GPR149: variants seen among roughly 807,000 people sequenced by gnomAD.
GPR149 encodes G protein-coupled receptor 149.
GPR149 carries 50 observed loss-of-function variants against 50.2 expected under a neutral mutation model. The observed-to-expected ratio is 1.00, with a 90% CI of 0.79 to 1.26. The LOEUF (loss-of-function observed/expected upper bound fraction) is 1.26. Among genes scored for constraint, GPR149 ranks in the 50% most tolerant of loss-of-function variants. GPR149 has a pLI of 0.00. For synonymous variants in GPR149, 405 were observed against 358.2 expected (o/e 1.13, Z -1.48); for missense variants, 983 against 895.4 (o/e 1.10, Z -1.25).
At chr3:154,417,162 T>C (rs1229619967) in intron 3 of GPR149, among the ~76,000 whole-genome samples, 1 of 151,972 alleles carries the variant, frequency 6.6e-6, no homozygotes, top group Non-Finnish European at 1.5e-5. Context: ...GCTATCACAT[T>C]AAGACTTTCT....
At chr3:154,386,209 A>C (rs1715042263) in intron 3 of GPR149, among the ~76,000 whole-genome samples, 1 of 152,242 alleles carries the variant, frequency 6.6e-6, no homozygotes, top group African/African-American at 2.4e-5. Flanking sequence ...AGAGTCAAAA[A>C]GAGGTCTAAC....
intron 3 of GPR149, among the ~76,000 whole-genome samples, chr3:154,371,642 A>T (rs1576910590): frequency 6.6e-6 from 1 of 152,320 alleles, no homozygotes. Context: ...AGACTTATTA[A>T]CAGCTAAAAA....
At chr3:154,338,467 T>C (rs1382853326) in intron 3 of GPR149, among the ~76,000 whole-genome samples, 196 bp from the exon 4 acceptor site, 2 of 152,114 alleles carry the variant, frequency 1.3e-5, no homozygotes, top group East Asian at 3.9e-4. Context: ...AAATCAGACA[T>C]TTAATGAGGG....
At position 154,348,081 on chromosome 3, in the gene GPR149, C is replaced by T. The variant is rs116643407; in HGVS notation, c.1624-9810G>A. ...GTGTGAAATGATTAGGGGAGTGCCT[C>T]ATACATAGTAAGTGCTCCATAAATG... On this transcript the variant is annotated intron_variant, in intron 3 of 3. Transcript: ENST00000389740. Among the ~76,000 whole-genome samples, 460 of 152,218 alleles carry T rather than the reference C, an allele frequency of 3.0e-3. 1 individual carries two copies. Among genetic ancestry groups the T allele is most frequent in the African/African-American group, 0.01 (426 of 41,522 alleles).
chr3:154,350,334 G>A (rs1416827909), intron 3 of GPR149, among the ~76,000 whole-genome samples: 1 of 152,156 alleles, frequency 6.6e-6, no homozygotes, highest in Admixed American at 6.5e-5. Flanking sequence ...TCAAGCTAAT[G>A]ATTGAGCTAA....
chr3:154,422,297 A>T (rs1197782616), intron 2 of GPR149, among the ~76,000 whole-genome samples: 1 of 151,630 alleles, frequency 6.6e-6, no homozygotes, highest in Non-Finnish European at 1.5e-5. Context: ...ATAAAAAGCA[A>T]GAAAGTGACA....
chr3:154,378,561 T>C (rs1332742148), intron 3 of GPR149, among the ~76,000 whole-genome samples: 2 of 152,200 alleles, frequency 1.3e-5, no homozygotes, highest in Non-Finnish European at 2.9e-5. Flanking sequence ...TCCTGGCTTG[T>C]GTTATAAGTT....
Position 154,413,407 on chromosome 3 carries a change from G to C in GPR149, c.1623+7632C>G, listed in dbSNP as rs543874566. 5.9e-5 allele frequency among the ~76,000 whole-genome samples: 9 copies of C among 152,054 alleles called. No individual in the cohort carries two copies. The East Asian group carries it at 1.5e-3, about 26-fold the overall frequency. On this transcript the variant is annotated intron_variant, in intron 3 of 3. Transcript: ENST00000389740. ...AAAAATCTTTATAATCTATACATCA[G>C]ACAAAAGAGTGATATCTAGAATCTA...
At chr3:154,412,749 T>C (rs1245434811) in intron 3 of GPR149, among the ~76,000 whole-genome samples, 1 of 152,024 alleles carries the variant, frequency 6.6e-6, no homozygotes, top group East Asian at 1.9e-4. Context: ...ACAAATTCAA[T>C]GCAATTCTCA....
intron 2 of GPR149, among the ~76,000 whole-genome samples, chr3:154,425,774 A>C (rs1034989706): frequency 1.3e-5 from 2 of 152,168 alleles, no homozygotes; most frequent in Non-Finnish European, 2.9e-5. Context: ...CTGTGATATG[A>C]GTGTGACTGT....
At chr3:154,352,102 G>T in intron 3 of GPR149, 1 of 643,282 alleles carries the variant, frequency 1.6e-6, no homozygotes. Flanking sequence ...GCACAAATAG[G>T]CAAGTTCACA....
At position 154,427,709 on chromosome 3, in the gene GPR149, C is replaced by A. The variant is rs1216936148; in HGVS notation, c.982-1G>T. The A allele has an allele frequency of 1.9e-6, 3 of 1,609,518 alleles. No homozygotes were observed. Among genetic ancestry groups the A allele is most frequent in the Admixed American group, 3.4e-5 (2 of 59,268 alleles). Reference sequence around the variant, plus strand: ...CGACGTTCTGGACCACCATGTGCATCTGCAAGGGCAAGAGAACTTCAGACC... The same window carrying A: ...CGACGTTCTGGACCACCATGTGCATATGCAAGGGCAAGAGAACTTCAGACC... On this transcript the variant is annotated splice_acceptor_variant, in intron 1 of 3. Coordinates refer to ENST00000389740, the MANE Select transcript of GPR149 (RefSeq NM_001038705.3). LOFTEE classifies it high-confidence loss of function.
At chr3:154,393,322 A>G (rs568814758) in intron 3 of GPR149, among the ~76,000 whole-genome samples, 1 of 152,028 alleles carries the variant, frequency 6.6e-6, no homozygotes, top group Non-Finnish European at 1.5e-5. Flanking sequence ...ACAGAATAAA[A>G]GATAAGAACC....
chr3:154,397,119 C>T (rs1715311260), intron 3 of GPR149, among the ~76,000 whole-genome samples: 1 of 152,010 alleles, frequency 6.6e-6, no homozygotes, highest in African/African-American at 2.4e-5. Context: ...GGAAGCAAAT[C>T]CAACTCCTAT....
chr3:154,351,064 C>G (rs1172524456), intron 3 of GPR149, among the ~76,000 whole-genome samples: 1 of 151,750 alleles, frequency 6.6e-6, no homozygotes, highest in East Asian at 1.9e-4. Context: ...ATATAGGAAC[C>G]CACAGATACA....
At position 154,416,804 on chromosome 3, in the gene GPR149, G is replaced by T. The variant is rs144064322; in HGVS notation, c.1623+4235C>A. ...TCTGCTTTGTCTCTCATTTGAGAGG[G>T]AATATTTCAGAATCTGTTTTTAAAA... On this transcript the variant is annotated intron_variant, in intron 3 of 3. Coordinates refer to ENST00000389740, the MANE Select transcript of GPR149 (RefSeq NM_001038705.3). 1.9e-4 allele frequency among the ~76,000 whole-genome samples: 29 copies of T among 151,934 alleles called. No individual in the cohort carries two copies. In the East Asian group the frequency reaches 3.3e-3, roughly 17 times the overall value.
rs774255810 is a variant in GPR149 at position 154,414,833 on chromosome 3, CAAAG to C, written c.1623+6202_1623+6205del. ...TCAAAAGAGTAAACGTCCTGCGAAACAAAGAAAGACTGAGAAGCTGTTACAAATT... is the reference window on the plus strand; with the variant it reads ...TCAAAAGAGTAAACGTCCTGCGAAACAAAGACTGAGAAGCTGTTACAAATT... On this transcript the variant is annotated intron_variant, in intron 3 of 3. Coordinates refer to ENST00000389740, the MANE Select transcript of GPR149 (RefSeq NM_001038705.3). Among the ~76,000 whole-genome samples, 8 of 151,852 alleles carry C rather than the reference CAAAG, an allele frequency of 5.3e-5. No homozygotes were observed. In the East Asian group the frequency reaches 5.8e-4, roughly 11 times the overall value.
At chr3:154,386,703 T>C (rs1385064777) in intron 3 of GPR149, among the ~76,000 whole-genome samples, 2 of 152,084 alleles carry the variant, frequency 1.3e-5, no homozygotes, top group Non-Finnish European at 2.9e-5. Flanking sequence ...GTAAAAGACA[T>C]GCTGAAGAAA....
At chr3:154,369,135 C>G (rs72998674) in intron 3 of GPR149, among the ~76,000 whole-genome samples, 1,965 of 152,224 alleles carry the variant, frequency 0.013, 44 homozygotes, top group African/African-American at 0.045. Context: ...AGACTAACCA[C>G]GGGTGTGGGA....
Sources: gnomAD v4.1 joint callset for allele counts (sites outside exome capture counted in the v4.1 genomes callset) on GRCh38, gnomAD v4.1.1 for gene constraint, MANE v1.5 for transcripts, NCBI Gene and HGNC (gene_info 2026-07-23, HGNC 2026-07-21) for gene names.